EVL: variants seen among roughly 807,000 people sequenced by gnomAD.
EVL encodes ena/VASP-like protein.
A neutral mutation model predicts 59.6 loss-of-function variants in EVL; 21 were observed. The ratio of observed to expected loss-of-function variants is 0.35; its 90% CI spans 0.25 to 0.51. The LOEUF is 0.51. EVL is among the 20% of genes least tolerant of loss of function. EVL has a pLI of 0.97. For missense variants in EVL, 462 were observed against 546.6 expected, an observed-to-expected ratio of 0.85 and a Z score of 1.54; for synonymous variants, 198 against 203.5, an observed-to-expected ratio of 0.97 and a Z score of 0.23.
intron 1 of EVL, 41 bp from the exon 2 acceptor site, chr14:100,084,646 A>G (rs371315331): frequency 5.8e-5 from 93 of 1,603,038 alleles, no homozygotes; most frequent in Non-Finnish European, 6.9e-5. Flanking sequence ...ACTTCCATCC[A>G]CTGTAGCTGA....
intron 3 of EVL, among the ~76,000 whole-genome samples, chr14:100,117,909 C>T (rs1201091268): frequency 6.6e-6 from 1 of 152,218 alleles, no homozygotes; most frequent in Non-Finnish European, 1.5e-5. Context: ...TCTAGGCTCG[C>T]CCAGTGGCTG....
chr14:100,125,151 C>CACACACACCCCTGCCCCAAGG (rs1566718479), intron 4 of EVL, among the ~76,000 whole-genome samples: 1 of 124,140 alleles, frequency 8.1e-6, no homozygotes, highest in Non-Finnish European at 1.6e-5. Flanking sequence ...CACACACACA[C>CACACACACCCCTGCCCCAAGG]CTGCCCCAAG....
At chr14:100,062,126 A>C (rs2061845809), upstream of EVL, among the ~76,000 whole-genome samples, 1 of 152,000 alleles carries the variant, frequency 6.6e-6, no homozygotes, top group Admixed American at 6.6e-5. Context: ...CAACAGAGTG[A>C]GACCACATCT....
intron 1 of EVL, among the ~76,000 whole-genome samples, chr14:100,028,952 C>A (rs1301032999): frequency 6.6e-6 from 1 of 152,184 alleles, no homozygotes; most frequent in East Asian, 1.9e-4. Flanking sequence ...CACTTTATTT[C>A]TCTAGGCCTT....
intron 1 of EVL, among the ~76,000 whole-genome samples, chr14:100,010,272 G>A (rs551658839): frequency 2.0e-5 from 3 of 152,286 alleles, no homozygotes; most frequent in African/African-American, 7.2e-5. Context: ...GATATACAGG[G>A]TTAAAATAAA....
In EVL at chr14:100,143,697, G is replaced by A. The variant is rs752016939; in HGVS notation, c.1220-4G>A. On this transcript the variant is annotated splice_polypyrimidine_tract_variant and splice_region_variant and intron_variant, in intron 13 of 13. Transcript: ENST00000392920. ...CACCTGAGCCGCCGCCACCTGTCCCGCAGCCATCAGGCAGGAGCTGAGTGG... is the reference window on the plus strand; with the variant it reads ...CACCTGAGCCGCCGCCACCTGTCCCACAGCCATCAGGCAGGAGCTGAGTGG... 2.4e-5 allele frequency: 38 copies of A among 1,611,914 alleles called. No individual in the cohort carries two copies. The highest frequency in any genetic ancestry group is 1.7e-4 in the African/African-American group (13 of 75,026).
chr14:100,019,196 G>A (rs940781994), intron 1 of EVL, among the ~76,000 whole-genome samples: 4 of 152,220 alleles, frequency 2.6e-5, no homozygotes, highest in Admixed American at 2.6e-4. Context: ...GCTTATAGCA[G>A]CAGCAGCCAG....
chr14:100,015,438 C>T (rs1243723298), intron 1 of EVL, among the ~76,000 whole-genome samples: 3 of 152,218 alleles, frequency 2.0e-5, no homozygotes, highest in Non-Finnish European at 4.4e-5. Context: ...TCCCGGGCAG[C>T]TCACATGTCC....
At chr14:100,069,411 C>T (rs180745416) in intron 1 of EVL, among the ~76,000 whole-genome samples, 33 of 152,334 alleles carry the variant, frequency 2.2e-4, no homozygotes, top group Admixed American at 1.6e-3. Context: ...TACAATCCTT[C>T]GCACCTAATT....
rs138915070 is a variant in EVL at position 100,005,704 on chromosome 14, T to C, written c.5+33647T>C. 8.8e-3 allele frequency among the ~76,000 whole-genome samples: 1,329 copies of C among 151,856 alleles called. 8 individuals are homozygous for C. The highest frequency in any genetic ancestry group is 0.012 in the Non-Finnish European group (831 of 67,952). On this transcript the variant is annotated intron_variant, in intron 1 of 13. Transcript: ENST00000402714. ...TGTTACCTTTTAATTAAACTGACTT[T>C]TAACCATTGAGCTTCTTTTAAAAAA...
intron 1 of EVL, among the ~76,000 whole-genome samples, chr14:99,985,776 A>G (rs1318113129): frequency 1.4e-5 from 2 of 138,476 alleles, no homozygotes; most frequent in African/African-American, 2.8e-5. Context: ...TCAGAAAGAA[A>G]AAAAAAAAAA....
intron 1 of EVL, among the ~76,000 whole-genome samples, chr14:100,073,825 G>A (rs2062100688): frequency 1.3e-5 from 2 of 152,134 alleles, no homozygotes; most frequent in African/African-American, 4.8e-5. Context: ...TAGAGCTACC[G>A]AGATGAACAC....
At position 100,100,784 on chromosome 14, in the gene EVL, CAAAAAAAAAAA is replaced by C. The variant is rs60820079; in HGVS notation, c.358+3141_358+3151del. 9.8e-3 allele frequency among the ~76,000 whole-genome samples: 468 copies of C among 47,712 alleles called. 7 individuals carry two copies. Among genetic ancestry groups the C allele is most frequent in the African/African-American group, 0.027 (447 of 16,416 alleles). The allele number at this position is 47,712 out of a possible 152,430, so 31.3% of individuals were successfully genotyped here. A position where few individuals can be genotyped will look rare whatever the true frequency, so the allele number is the denominator to read the frequency against. ...TGTGTGACAGAGCAAGAGTCTGTCT[CAAAAAAAAAAA>C]AAAAAAAAAAAAAATGGAAGTATGA... On this transcript the variant is annotated intron_variant, in intron 3 of 13. Transcript: ENST00000392920.
At chr14:100,098,166 T>C (rs988201834) in intron 3 of EVL, among the ~76,000 whole-genome samples, 1 of 152,218 alleles carries the variant, frequency 6.6e-6, no homozygotes, top group South Asian at 2.1e-4. Context: ...CTGGAATGTA[T>C]TGCAGTAAGT....
In EVL at chr14:100,056,838, A is replaced by G. The variant is rs146507349; in HGVS notation, c.6-27849A>G. ...TCTTGAGTCCCAGTCCTTTCAGGCA[A>G]AATAGCTTAACAAAGATTCTGAACA... On this transcript the variant is annotated intron_variant, in intron 1 of 13. Coordinates refer to the EVL transcript ENST00000402714. 4.6e-5 allele frequency among the ~76,000 whole-genome samples: 7 copies of G among 152,302 alleles called. No homozygotes were observed. In the East Asian group the frequency reaches 1.3e-3, roughly 29 times the overall value.
chr14:100,071,181 G>A (rs2062041595), intron 1 of EVL, among the ~76,000 whole-genome samples: 2 of 152,204 alleles, frequency 1.3e-5, no homozygotes, highest in East Asian at 1.9e-4. Context: ...AAAAGAAGGT[G>A]TCAGGGTTTA....
At chr14:99,999,433 G>C (rs1252673678) in intron 1 of EVL, among the ~76,000 whole-genome samples, 1 of 152,132 alleles carries the variant, frequency 6.6e-6, no homozygotes, top group Non-Finnish European at 1.5e-5. Context: ...ATTCCCTCAG[G>C]ATTAAATCCG....
chr14:99,992,602 T>C (rs967106162), intron 1 of EVL, among the ~76,000 whole-genome samples: 3 of 152,236 alleles, frequency 2.0e-5, no homozygotes, highest in African/African-American at 7.2e-5. Context: ...TTAATCTTTG[T>C]GTATGGTGTA....
chr14:99,998,162 G>C (rs1182411241), intron 1 of EVL, among the ~76,000 whole-genome samples: 1 of 152,020 alleles, frequency 6.6e-6, no homozygotes, highest in East Asian at 1.9e-4. Context: ...TGGGAACACA[G>C]ATCTGCGCCA....
Sources: gnomAD v4.1 joint callset for allele counts (sites outside exome capture counted in the v4.1 genomes callset) on GRCh38, gnomAD v4.1.1 for gene constraint, MANE v1.5 for transcripts, NCBI Gene and HGNC (gene_info 2026-07-23, HGNC 2026-07-21) for gene names.